PTPN2: variants seen among roughly 807,000 people sequenced by gnomAD.
The protein encoded by PTPN2 is protein tyrosine phosphatase non-receptor type 2.
PTPN2 carries 19 observed loss-of-function variants against 57.3 expected under a neutral mutation model. The observed-to-expected ratio is 0.33, with a 90% CI of 0.23 to 0.49. PTPN2 has a LOEUF of 0.49. Among genes scored for constraint, PTPN2 ranks in the 20% least tolerant of loss-of-function variants. PTPN2 has a pLI of 0.99. For synonymous variants in PTPN2, 153 were observed against 164.9 expected, an observed-to-expected ratio of 0.93 and a Z score of 0.55; for missense variants, 358 against 501.1, an observed-to-expected ratio of 0.71 and a Z score of 2.73.
intron 8 of PTPN2, 99 bp from the exon 9 acceptor site, chr18:12,794,584 G>T: frequency 7.2e-7 from 1 of 1,388,538 alleles, no homozygotes; most frequent in Non-Finnish European, 9.7e-7. Flanking sequence ...CATCCACATA[G>T]TTTTCACCCT....
chr18:12,820,684 G>C (rs781705462), intron 5 of PTPN2, among the ~76,000 whole-genome samples: 1 of 151,820 alleles, frequency 6.6e-6, no homozygotes, highest in Non-Finnish European at 1.5e-5. Context: ...CACCCTTCTC[G>C]CTGCTTCACC....
chr18:12,843,505 C>G (rs149334348), intron 2 of PTPN2, among the ~76,000 whole-genome samples: 4 of 152,218 alleles, frequency 2.6e-5, no homozygotes. Flanking sequence ...CCCCACTGCA[C>G]GCTTCCACAG....
At chr18:12,822,176 A>G (rs1004281426) in intron 5 of PTPN2, among the ~76,000 whole-genome samples, 1 of 152,212 alleles carries the variant, frequency 6.6e-6, no homozygotes, top group Non-Finnish European at 1.5e-5. Flanking sequence ...CAGAGAAGAG[A>G]GAGGACATTC....
At chr18:12,805,714 C>T (rs1375319061) in intron 7 of PTPN2, among the ~76,000 whole-genome samples, 1 of 149,246 alleles carries the variant, frequency 6.7e-6, no homozygotes, top group Non-Finnish European at 1.5e-5. Flanking sequence ...TCTGCAACCT[C>T]TGCCTCCCAG....
chr18:12,870,235 AG>A lies in PTPN2; in HGVS notation c.70-10982del, dbSNP rs1397353647. Among the ~76,000 whole-genome samples the A allele has an allele frequency of 2.0e-4, 28 of 143,432 alleles. 1 individual carries two copies. Among genetic ancestry groups the A allele is most frequent in the South Asian group, 6.5e-4 (3 of 4,612 alleles). 94.1% of individuals were successfully genotyped at this position (143,432 alleles called of 152,430 possible). A position where few individuals can be genotyped will look rare whatever the true frequency, so the allele number is the denominator to read the frequency against. ...CTGCAGTTAGGTAGCAGATACAGAT[AG>A]GAATCCAGTACTTAACTTTAGCATA... On this transcript the variant is annotated intron_variant, in intron 1 of 8. Coordinates refer to ENST00000309660, the MANE Select transcript of PTPN2 (RefSeq NM_002828.4).
At chr18:12,808,906 T>A (rs1232844835) in intron 7 of PTPN2, among the ~76,000 whole-genome samples, 3 of 152,224 alleles carry the variant, frequency 2.0e-5, no homozygotes, top group Non-Finnish European at 2.9e-5. Flanking sequence ...CCACTTCTAA[T>A]CCAGAGGTAT....
At chr18:12,827,804 C>G (rs1285022881) in intron 4 of PTPN2, among the ~76,000 whole-genome samples, 1 of 151,742 alleles carries the variant, frequency 6.6e-6, no homozygotes, top group African/African-American at 2.4e-5. Context: ...TAGGAAGACC[C>G]AAAGAAGAAC....
chr18:12,785,592 C>T (rs2040827978), exon 10 of PTPN2: 1 of 582,794 alleles, frequency 1.7e-6, no homozygotes, highest in Non-Finnish European at 3.0e-6. Flanking sequence ...TTCTACATTT[C>T]ATACACTCAT....
intron 7 of PTPN2, among the ~76,000 whole-genome samples, chr18:12,807,803 A>AG (rs1178099440): frequency 1.3e-5 from 2 of 151,772 alleles, no homozygotes; most frequent in East Asian, 3.9e-4. Context: ...AGTAGGGAAG[A>AG]GGGGGCATAG....
chr18:12,844,857 T>C (rs564589530), intron 2 of PTPN2, among the ~76,000 whole-genome samples: 1 of 152,218 alleles, frequency 6.6e-6, no homozygotes, highest in Non-Finnish European at 1.5e-5. Flanking sequence ...CATTTTCTTA[T>C]GAAAGCTTTT....
intron 7 of PTPN2, among the ~76,000 whole-genome samples, chr18:12,811,998 A>C (rs1298653247): frequency 6.6e-6 from 1 of 152,172 alleles, no homozygotes; most frequent in African/African-American, 2.4e-5. Flanking sequence ...ATTTGTTAAA[A>C]GTTTATCATT....
intron 7 of PTPN2, among the ~76,000 whole-genome samples, chr18:12,805,296 T>C (rs935770627): frequency 1.3e-5 from 2 of 151,354 alleles, no homozygotes; most frequent in African/African-American, 4.9e-5. Flanking sequence ...ATCTCTACTA[T>C]AAATACAAAA....
chr18:12,809,656 T>C (rs1311899105), intron 7 of PTPN2, among the ~76,000 whole-genome samples: 1 of 152,202 alleles, frequency 6.6e-6, no homozygotes, highest in Non-Finnish European at 1.5e-5. Context: ...AGGAATACTC[T>C]ACTTATTGCC....
intron 6 of PTPN2, among the ~76,000 whole-genome samples, chr18:12,816,664 G>C (rs975510626): frequency 6.6e-6 from 1 of 152,196 alleles, no homozygotes; most frequent in Non-Finnish European, 1.5e-5. Context: ...AGGAACCTCA[G>C]GGGAGTAACA....
chr18:12,827,147 T>A, intron 4 of PTPN2, among the ~76,000 whole-genome samples: 1 of 151,476 alleles, frequency 6.6e-6, no homozygotes, highest in Non-Finnish European at 1.5e-5. Flanking sequence ...ATCGAGACCA[T>A]CCTGGCTAAC....
chr18:12,858,534 T>G lies in PTPN2; in HGVS notation c.160+630A>C, dbSNP rs186064112. On this transcript the variant is annotated intron_variant, in intron 2 of 8. Transcript: ENST00000309660. Reference sequence around the variant, plus strand: ...AAAAGAGTGGTATATCCAAAGCCACTGTCAAAGCAATTAAAAATTGTTTAT... The same window carrying G: ...AAAAGAGTGGTATATCCAAAGCCACGGTCAAAGCAATTAAAAATTGTTTAT... Among the ~76,000 whole-genome samples, 7 of 131,396 alleles carry G rather than the reference T, an allele frequency of 5.3e-5. No individual in the cohort carries two copies. In the East Asian group the frequency reaches 6.6e-4, roughly 12 times the overall value. The allele number at this position is 131,396 out of a possible 152,430, so 86.2% of individuals were successfully genotyped here. A position where few individuals can be genotyped will look rare whatever the true frequency, so the allele number is the denominator to read the frequency against.
intron 4 of PTPN2, among the ~76,000 whole-genome samples, chr18:12,827,118 C>T (rs936734495): frequency 2.0e-5 from 3 of 151,372 alleles, no homozygotes; most frequent in East Asian, 2.0e-4. Context: ...CTGAGGCAGG[C>T]GGATCATGAG....
chr18:12,788,201 T>G (rs1226712550), downstream of PTPN2: 1 of 154,720 alleles, frequency 6.5e-6, no homozygotes, highest in Non-Finnish European at 1.5e-5. Flanking sequence ...TTGATGCGTC[T>G]TTAAAAAATG....
At chr18:12,867,402 A>G (rs1017010819) in intron 1 of PTPN2, among the ~76,000 whole-genome samples, 1 of 152,232 alleles carries the variant, frequency 6.6e-6, no homozygotes, top group South Asian at 2.1e-4. Flanking sequence ...TTCTCAAGAA[A>G]GACTGAAAGT....
Sources: gnomAD v4.1 joint callset for allele counts (sites outside exome capture counted in the v4.1 genomes callset) on GRCh38, gnomAD v4.1.1 for gene constraint, MANE v1.5 for transcripts, NCBI Gene and HGNC (gene_info 2026-07-23, HGNC 2026-07-21) for gene names.